RCAN2: variants seen among roughly 807,000 people sequenced by gnomAD.
The protein encoded by RCAN2 is regulator of calcineurin 2, also known as calcipressin-2.
Under a neutral mutation model 23.6 loss-of-function variants are expected in RCAN2, and 9 were observed. The ratio of observed to expected loss-of-function variants is 0.38; its 90% CI spans 0.23 to 0.67. The LOEUF is 0.67. Among genes scored for constraint, RCAN2 ranks in the 30% least tolerant of loss-of-function variants. RCAN2 has a pLI of 0.51. For synonymous variants in RCAN2, 109 were observed against 115.7 expected (o/e 0.94, Z 0.37); for missense variants, 273 against 302.3 (o/e 0.90, Z 0.72).
intron 2 of RCAN2, among the ~76,000 whole-genome samples, chr6:46,331,190 A>G (rs565819039): frequency 3.9e-5 from 6 of 152,234 alleles, no homozygotes; most frequent in African/African-American, 1.2e-4. Flanking sequence ...TCCTTTATTA[A>G]TTAAAAACTT....
intron 2 of RCAN2, among the ~76,000 whole-genome samples, chr6:46,380,421 T>A (rs1765590324): frequency 6.6e-6 from 1 of 152,176 alleles, no homozygotes; most frequent in South Asian, 2.1e-4. Flanking sequence ...ACCTGCCAAA[T>A]GTTTAAAGAT....
At chr6:46,378,063 C>G (rs1765526315) in intron 2 of RCAN2, among the ~76,000 whole-genome samples, 1 of 152,218 alleles carries the variant, frequency 6.6e-6, no homozygotes, top group Non-Finnish European at 1.5e-5. Flanking sequence ...ATAGTAGGCA[C>G]TAACTAAATA....
At chr6:46,354,897 ATGTGTGTGTGTGTGTGTGTGTGTG>A (rs6149559) in intron 2 of RCAN2, among the ~76,000 whole-genome samples, 3 of 144,642 alleles carry the variant, frequency 2.1e-5, no homozygotes, top group African/African-American at 5.2e-5. Context: ...AAGATTATAT[ATGTGTGTGTGTGTGTGTGTGTGTG>A]TGTGTGTGTG....
At chr6:46,283,027 C>T (rs561747865) in intron 2 of RCAN2, among the ~76,000 whole-genome samples, 46 of 152,114 alleles carry the variant, frequency 3.0e-4, no homozygotes, top group Admixed American at 2.0e-4. Context: ...ACTGCCTGAC[C>T]GGGGGCTGGC....
At chr6:46,253,791 C>T (rs567712268) in intron 2 of RCAN2, among the ~76,000 whole-genome samples, 4 of 152,122 alleles carry the variant, frequency 2.6e-5, no homozygotes, top group Non-Finnish European at 5.9e-5. Context: ...ATTATAATAC[C>T]ATATTTTTAC....
intron 2 of RCAN2, among the ~76,000 whole-genome samples, chr6:46,452,119 T>C (rs568215015): frequency 6.6e-6 from 1 of 152,102 alleles, no homozygotes; most frequent in South Asian, 2.1e-4. Flanking sequence ...GAACCAAATA[T>C]CATACCAGCT....
At chr6:46,296,832 G>A (rs4714920) in intron 2 of RCAN2, among the ~76,000 whole-genome samples, 106,937 of 151,900 alleles carry the variant, frequency 0.7, 39,591 homozygotes, top group Non-Finnish European at 0.83. Flanking sequence ...TATGCAATAC[G>A]TTAAAAAAAT....
At chr6:46,247,815 G>A (rs1264044192) in intron 3 of RCAN2, among the ~76,000 whole-genome samples, 1 of 152,182 alleles carries the variant, frequency 6.6e-6, no homozygotes, top group African/African-American at 2.4e-5. Context: ...GTGAACGTGT[G>A]TGTACATGTA....
chr6:46,482,539 C>G (rs1768891552), intron 1 of RCAN2, among the ~76,000 whole-genome samples: 1 of 152,200 alleles, frequency 6.6e-6, no homozygotes, highest in African/African-American at 2.4e-5. Context: ...GGGTCCCAAA[C>G]ACCAGTTAGG....
chr6:46,483,663 GCAGAA>G (rs1454011998), intron 1 of RCAN2, among the ~76,000 whole-genome samples: 1 of 152,220 alleles, frequency 6.6e-6, no homozygotes, highest in South Asian at 2.1e-4. Context: ...AGTGTAATGG[GCAGAA>G]CAGAAGTCAC....
chr6:46,473,074 G>A (rs1768614093), intron 1 of RCAN2, among the ~76,000 whole-genome samples: 1 of 152,250 alleles, frequency 6.6e-6, no homozygotes, highest in Non-Finnish European at 1.5e-5. Flanking sequence ...CCACAGCCCT[G>A]AACTTTTAGA....
chr6:46,396,328 G>T (rs1163226143), intron 2 of RCAN2, among the ~76,000 whole-genome samples: 1 of 152,152 alleles, frequency 6.6e-6, no homozygotes, highest in Non-Finnish European at 1.5e-5. Context: ...TTTGAATGGT[G>T]CTCAGAACTA....
chr6:46,458,929 T>C (rs1443350061), intron 1 of RCAN2, among the ~76,000 whole-genome samples: 1 of 152,232 alleles, frequency 6.6e-6, no homozygotes, highest in African/African-American at 2.4e-5. Flanking sequence ...TTTGCTCTTG[T>C]CGCCCAGGCT....
At chr6:46,353,370 G>C (rs779229735) in intron 2 of RCAN2, among the ~76,000 whole-genome samples, 11 of 152,140 alleles carry the variant, frequency 7.2e-5, no homozygotes, top group Non-Finnish European at 1.2e-4. Context: ...GAGAGAATTT[G>C]AAAGAACTTG....
At chr6:46,393,574 A>G (rs1168196451) in intron 2 of RCAN2, among the ~76,000 whole-genome samples, 2 of 152,178 alleles carry the variant, frequency 1.3e-5, no homozygotes, top group South Asian at 2.1e-4. Context: ...AGAATAGATT[A>G]TTTGGCTTGT....
chr6:46,404,370 A>G (rs1369004900), intron 2 of RCAN2, among the ~76,000 whole-genome samples: 2 of 152,362 alleles, frequency 1.3e-5, no homozygotes, highest in East Asian at 3.9e-4. Flanking sequence ...TTACAGGTAA[A>G]GTAAGTACCT....
At chr6:46,294,275 T>C (rs1259429706) in intron 2 of RCAN2, among the ~76,000 whole-genome samples, 1 of 152,208 alleles carries the variant, frequency 6.6e-6, no homozygotes, top group Non-Finnish European at 1.5e-5. Context: ...AATTTAATTA[T>C]TCATTTATTG....
At chr6:46,270,059 C>T (rs1036315100) in intron 2 of RCAN2, among the ~76,000 whole-genome samples, 2 of 152,124 alleles carry the variant, frequency 1.3e-5, no homozygotes, top group Admixed American at 6.5e-5. Context: ...TTGCTGCGGG[C>T]CTGCTTGAGG....
chr6:46,333,944 T>C (rs1432431199), intron 2 of RCAN2, among the ~76,000 whole-genome samples: 6 of 152,238 alleles, frequency 3.9e-5, no homozygotes, highest in Non-Finnish European at 7.3e-5. Flanking sequence ...TTTGTTCCTA[T>C]GGTAAAGAGT....
Sources: allele counts gnomAD v4.1 joint callset (sites outside exome capture counted in the v4.1 genomes callset), GRCh38; gene constraint gnomAD v4.1.1; transcripts MANE v1.5; gene names NCBI Gene and HGNC (gene_info 2026-07-23, HGNC 2026-07-21).